The following BCL2 variants were observed in gnomAD, a reference collection of about 807,000 sequenced individuals.
The protein encoded by BCL2 is BCL2 apoptosis regulator.
BCL2 carries 1 observed loss-of-function variant against 14.2 expected under a neutral mutation model. That is an observed-to-expected ratio of 0.07 (90% CI 0.02 to 0.33). The LOEUF (loss-of-function observed/expected upper bound fraction) is 0.33. Ranked by LOEUF, BCL2 falls within the 10% of genes least tolerant of loss-of-function variation. The pLI is 0.99. For missense variants in BCL2, 247 were observed against 305.9 expected, an observed-to-expected ratio of 0.81 and a Z score of 1.44; for synonymous variants, 151 against 137.2, an observed-to-expected ratio of 1.10 and a Z score of -0.70.
chr18:63,233,594 G>A (rs1261326576), intron 2 of BCL2, among the ~76,000 whole-genome samples: 1 of 152,158 alleles, frequency 6.6e-6, no homozygotes, highest in African/African-American at 2.4e-5. Context: ...GCGCTCCTAT[G>A]AGAATCTAAT....
chr18:63,287,209 CCT>C (rs1912500517), intron 2 of BCL2, among the ~76,000 whole-genome samples: 1 of 152,188 alleles, frequency 6.6e-6, no homozygotes, highest in Non-Finnish European at 1.5e-5. Context: ...GATGAAGGGT[CCT>C]CCTCAGGAAC....
chr18:63,163,442 C>G (rs1340911536), intron 2 of BCL2, among the ~76,000 whole-genome samples: 1 of 152,174 alleles, frequency 6.6e-6, no homozygotes, highest in Non-Finnish European at 1.5e-5. Flanking sequence ...CTATTGGCCC[C>G]ACAGTGCCTA....
intron 2 of BCL2, among the ~76,000 whole-genome samples, chr18:63,247,221 C>T (rs1357976336): frequency 9.5e-5 from 14 of 147,222 alleles, no homozygotes; most frequent in East Asian, 2.0e-4. Context: ...TTTTTTGAGA[C>T]GAAGTTTTAT....
intron 2 of BCL2, chr18:63,314,160 A>G (rs1182239184): frequency 6.6e-6 from 1 of 152,246 alleles, no homozygotes; most frequent in Non-Finnish European, 1.5e-5. Flanking sequence ...TGTAGGCAGA[A>G]AGATGCACTT....
chr18:63,127,327 C>G lies in BCL2; in HGVS notation c.*1298G>C. 4.3e-6 allele frequency: 1 copy of G among 232,262 alleles called. No homozygotes were observed. Among genetic ancestry groups the G allele is most frequent in the African/African-American group, 2.2e-5 (1 of 45,358 alleles). 14.4% of individuals were successfully genotyped at this position (232,262 alleles called of 1,614,324 possible). A position where few individuals can be genotyped will look rare whatever the true frequency, so the allele number is the denominator to read the frequency against. On this transcript the variant is annotated 3_prime_UTR_variant, in exon 3 of 3. Coordinates refer to ENST00000333681, the MANE Select transcript of BCL2 (RefSeq NM_000633.3). ...AAAATGGGCCGTGGCCATTGCCTCT[C>G]CTCACGTTCCCAGCCTTCACCATGT... is the stretch of plus-strand genomic sequence containing the variant.
At chr18:63,313,637 C>T (rs1402946451) in intron 2 of BCL2, among the ~76,000 whole-genome samples, 1 of 152,164 alleles carries the variant, frequency 6.6e-6, no homozygotes, top group East Asian at 1.9e-4. Context: ...TGCTAAACTA[C>T]TGCTAAGACA....
At position 63,125,672 on chromosome 18, in the gene BCL2, T is replaced by C. The variant is rs1008285645; in HGVS notation, c.*2953A>G. On this transcript the variant is annotated 3_prime_UTR_variant, in exon 3 of 3. Coordinates refer to ENST00000333681, the MANE Select transcript of BCL2 (RefSeq NM_000633.3). Reference sequence around the variant, plus strand: ...TGCCCAACTGCAAAATAATTAGATATAATGAAAAAAAAGAAGAGGAGAAAA... The same window carrying C: ...TGCCCAACTGCAAAATAATTAGATACAATGAAAAAAAAGAAGAGGAGAAAA... 3 of 210,526 alleles carry C rather than the reference T, an allele frequency of 1.4e-5. No homozygotes were observed. Among genetic ancestry groups the C allele is most frequent in the Non-Finnish European group, 2.9e-5 (3 of 103,712 alleles). The allele number at this position is 210,526 out of a possible 1,614,324, so 13.0% of individuals were successfully genotyped here.
chr18:63,273,840 C>G (rs772576697), intron 2 of BCL2, among the ~76,000 whole-genome samples: 1 of 152,186 alleles, frequency 6.6e-6, no homozygotes, highest in Non-Finnish European at 1.5e-5. Flanking sequence ...GGTGGCATGA[C>G]ATCTTTTTGT....
intron 2 of BCL2, among the ~76,000 whole-genome samples, chr18:63,156,632 T>C (rs770329548): frequency 1.2e-4 from 18 of 152,144 alleles, no homozygotes; most frequent in Non-Finnish European, 2.4e-4. Flanking sequence ...ACCTCCCCCG[T>C]CCACCTGATG....
chr18:63,243,392 CA>C (rs929515109), intron 2 of BCL2, among the ~76,000 whole-genome samples: 3 of 152,030 alleles, frequency 2.0e-5, no homozygotes, highest in African/African-American at 7.2e-5. Flanking sequence ...GGGAGAGGAT[CA>C]GGAAAAATAA....
At chr18:63,252,037 T>C (rs1911334039) in intron 2 of BCL2, among the ~76,000 whole-genome samples, 2 of 152,186 alleles carry the variant, frequency 1.3e-5, no homozygotes, top group South Asian at 2.1e-4. Context: ...AAGACATTTT[T>C]ATTCAATCTT....
At chr18:63,306,711 A>G (rs946995259) in intron 2 of BCL2, among the ~76,000 whole-genome samples, 1 of 152,142 alleles carries the variant, frequency 6.6e-6, no homozygotes, top group Non-Finnish European at 1.5e-5. Context: ...AGCTTTAAAC[A>G]TGCTCTCCTG....
chr18:63,183,864 T>C (rs1177106773), intron 2 of BCL2, among the ~76,000 whole-genome samples: 9 of 152,152 alleles, frequency 5.9e-5, no homozygotes, highest in Admixed American at 5.9e-4. Flanking sequence ...CAATTTATGT[T>C]AGCAAGAATA....
rs372286465 is a variant in BCL2, at chr18:63,169,369, C to CTTTCTT, written c.586-40611_586-40610insAAGAAA. ...TCTTTCTTTCTTTCTTTCTTTCTTTCTCTTTCTTTCTTTCTTTCTTTTTCT... is the reference window on the plus strand; with the variant it reads ...TCTTTCTTTCTTTCTTTCTTTCTTTCTTTCTTTCTTTCTTTCTTTCTTTCTTTTTCT... On this transcript the variant is annotated intron_variant, in intron 2 of 2. Coordinates refer to ENST00000333681, the MANE Select transcript of BCL2 (RefSeq NM_000633.3). Among the ~76,000 whole-genome samples, 54 of 69,522 alleles carry CTTTCTT rather than the reference C, an allele frequency of 7.8e-4. 4 individuals carry two copies. Among genetic ancestry groups the CTTTCTT allele is most frequent in the South Asian group, 1.1e-3 (2 of 1,894 alleles). 45.6% of individuals were successfully genotyped at this position (69,522 alleles called of 152,430 possible). A position where few individuals can be genotyped will look rare whatever the true frequency, so the allele number is the denominator to read the frequency against.
intron 2 of BCL2, among the ~76,000 whole-genome samples, chr18:63,311,535 T>C (rs1361218032): frequency 6.6e-6 from 1 of 152,126 alleles, no homozygotes; most frequent in Non-Finnish European, 1.5e-5. Flanking sequence ...GGTTCTCGGG[T>C]TGTTTTTGGG....
chr18:63,143,299 C>A (rs1251528254), intron 2 of BCL2, among the ~76,000 whole-genome samples: 4 of 152,172 alleles, frequency 2.6e-5, no homozygotes, highest in African/African-American at 9.7e-5. Flanking sequence ...AGTGGAGGGG[C>A]TGAAATATCT....
intron 2 of BCL2, among the ~76,000 whole-genome samples, chr18:63,166,110 C>T (rs1374850250): frequency 6.6e-6 from 1 of 152,134 alleles, no homozygotes; most frequent in Non-Finnish European, 1.5e-5. Context: ...CTGGCTTCCT[C>T]GGAGGGGGAC....
At position 63,318,682 on chromosome 18, in the gene BCL2, AG is replaced by A. The variant is rs769934430; in HGVS notation, c.-17del. On this transcript the variant is annotated 5_prime_UTR_variant, in exon 2 of 3. Transcript: ENST00000333681. This position sits in a 1 kb window ranked among gnomAD's most constrained non-coding sequence, Gnocchi z 7.4. ...CGTGCGCCATCCTTCCCAGAGGAAA[AG>A]CAACGGGGGCCAACGGCACCTCTCG... The A allele has an allele frequency of 6.2e-7, 1 of 1,612,192 alleles. No individual in the cohort carries two copies. Among genetic ancestry groups the A allele is most frequent in the Admixed American group, 1.7e-5 (1 of 59,934 alleles).
chr18:63,260,817 A>G (rs571148472), intron 2 of BCL2, among the ~76,000 whole-genome samples: 1 of 152,356 alleles, frequency 6.6e-6, no homozygotes, highest in South Asian at 2.1e-4. Flanking sequence ...AAATAAAATG[A>G]AAAAGAAAAA....
Sources: allele counts gnomAD v4.1 joint callset (sites outside exome capture counted in the v4.1 genomes callset), GRCh38; gene constraint gnomAD v4.1.1; non-coding constraint Gnocchi (gnomAD v3.1); transcripts MANE v1.5; gene names NCBI Gene and HGNC (gene_info 2026-07-23, HGNC 2026-07-21).